CDK7: variants seen among roughly 807,000 people sequenced by gnomAD.
CDK7 encodes the protein cyclin dependent kinase 7.
In CDK7, 25 loss-of-function variants were observed where a neutral mutation model predicts 49.1. The ratio of observed to expected loss-of-function variants is 0.51; its 90% CI spans 0.37 to 0.71. CDK7 has a LOEUF of 0.71. Among genes scored for constraint, CDK7 ranks in the 30% least tolerant of loss-of-function variants. The probability of loss-of-function intolerance (pLI) is 0.00; values close to 1 mark genes in which losing one functional copy is unlikely to be tolerated. For missense variants in CDK7, 316 were observed against 411.7 expected (o/e 0.77, Z 2.01); for synonymous variants, 107 against 140.0 (o/e 0.76, Z 1.67).
chr5:69,252,546 G>C (rs1415831060), intron 3 of CDK7, 95 bp downstream of exon 3: 1 of 686,774 alleles, frequency 1.5e-6, no homozygotes, highest in Admixed American at 3.6e-5. Flanking sequence ...GTCTTGCTCT[G>C]TCACCCAGGC....
intron 2 of CDK7, among the ~76,000 whole-genome samples, chr5:69,251,854 C>T (rs1750167959): frequency 1.3e-5 from 2 of 152,196 alleles, no homozygotes; most frequent in South Asian, 4.1e-4. Context: ...TGATTACTGA[C>T]AGTTTTCTAA....
chr5:69,246,708 G>GTT (rs746391556), intron 2 of CDK7, among the ~76,000 whole-genome samples: 25 of 141,414 alleles, frequency 1.8e-4, no homozygotes, highest in African/African-American at 6.4e-4. Context: ...TTTGTTTTTG[G>GTT]TTTTTTTTTT....
chr5:69,256,359 GT>G (rs1267353654), intron 5 of CDK7, among the ~76,000 whole-genome samples: 1 of 151,950 alleles, frequency 6.6e-6, no homozygotes, highest in Non-Finnish European at 1.5e-5. Flanking sequence ...TTTTGTTTTT[GT>G]TTTGTTTTTT....
At chr5:69,243,977 C>T (rs569364934) in intron 2 of CDK7, among the ~76,000 whole-genome samples, 1 of 151,900 alleles carries the variant, frequency 6.6e-6, no homozygotes, top group Non-Finnish European at 1.5e-5. Context: ...GGATTACAGG[C>T]GCATACCACC....
intron 6 of CDK7, 28 bp downstream of exon 6, chr5:69,258,181 A>G (rs1217444103): frequency 1.9e-6 from 2 of 1,073,498 alleles, no homozygotes; most frequent in African/African-American, 1.6e-5. Context: ...GCTTCTTTAT[A>G]CTAGTCAAGT....
At chr5:69,259,435 ATG>A (rs1750682034) in intron 6 of CDK7, among the ~76,000 whole-genome samples, 1 of 152,132 alleles carries the variant, frequency 6.6e-6, no homozygotes, top group African/African-American at 2.4e-5. Flanking sequence ...ATTTTGAAGA[ATG>A]TCATCCTCAT....
intron 10 of CDK7, among the ~76,000 whole-genome samples, chr5:69,276,245 T>G (rs1379491363): frequency 6.6e-6 from 1 of 152,104 alleles, no homozygotes; most frequent in Admixed American, 6.6e-5. Context: ...GCCAAGCTGA[T>G]CTCGAACTTC....
At chr5:69,269,150 AAAAAAATT>A in intron 8 of CDK7, 49 bp from the exon 9 acceptor site, 1 of 1,142,834 alleles carries the variant, frequency 8.8e-7, no homozygotes, top group Non-Finnish European at 1.3e-6. Flanking sequence ...CTAAAAAAAG[AAAAAAATT>A]AAAAAAAAAA....
At position 69,245,606 on chromosome 5, in the gene CDK7, G is replaced by T. The variant is rs1313000018; in HGVS notation, c.127-6812G>T. ...TCGGCCTGCCTCAGCCTCCTAAAGT[G>T]CTGGGATAGCCACTGTGCCCAGCCT... On this transcript the variant is annotated intron_variant, in intron 2 of 11. Transcript: ENST00000256443. Among the ~76,000 whole-genome samples the T allele has an allele frequency of 1.3e-5, 2 of 152,114 alleles. 1 individual carries two copies. The highest frequency in any genetic ancestry group is 4.1e-4 in the South Asian group (2 of 4,836).
intron 6 of CDK7, 99 bp from the exon 7 acceptor site, chr5:69,259,719 C>T: frequency 1.4e-6 from 1 of 725,302 alleles, no homozygotes; most frequent in Non-Finnish European, 2.3e-6. Context: ...CAGGTGTTAC[C>T]TTGTTTTTGC....
intron 2 of CDK7, among the ~76,000 whole-genome samples, chr5:69,236,672 A>T (rs1343326618): frequency 1.3e-5 from 2 of 150,014 alleles, no homozygotes; most frequent in African/African-American, 4.9e-5. Flanking sequence ...ATTTTTTTTG[A>T]GACAGAATTT....
At chr5:69,235,216 AG>A in intron 1 of CDK7, 175 bp downstream of exon 1, 1 of 754,926 alleles carries the variant, frequency 1.3e-6, no homozygotes, top group Non-Finnish European at 2.3e-6. Flanking sequence ...TGAATCCCTG[AG>A]GGGCCTCTCC....
At chr5:69,241,209 A>G (rs1440922385) in intron 2 of CDK7, among the ~76,000 whole-genome samples, 1 of 151,658 alleles carries the variant, frequency 6.6e-6, no homozygotes, top group Non-Finnish European at 1.5e-5. Context: ...CCAACAATGT[A>G]CCTAGGGTTC....
In CDK7 at chr5:69,277,345, A is replaced by G. The variant is rs1195685950; in HGVS notation, c.*210A>G. ...TTCTGATTAGAGTGCAAAAGTGAGA[A>G]AAGTTCAATACTCTTGAAATGTAGA... On this transcript the variant is annotated 3_prime_UTR_variant, in exon 12 of 12. Coordinates refer to ENST00000256443, the MANE Select transcript of CDK7 (RefSeq NM_001799.4). 2.4e-6 allele frequency: 1 copy of G among 420,120 alleles called. No homozygotes were observed. Among genetic ancestry groups the G allele is most frequent in the Non-Finnish European group, 4.3e-6 (1 of 233,202 alleles). 26.0% of individuals were successfully genotyped at this position (420,120 alleles called of 1,614,324 possible). A position where few individuals can be genotyped will look rare whatever the true frequency, so the allele number is the denominator to read the frequency against.
chr5:69,258,021 A>G, intron 5 of CDK7, 22 bp from the exon 6 acceptor site: 1 of 1,106,706 alleles, frequency 9.0e-7, no homozygotes, highest in Non-Finnish European at 1.4e-6. Flanking sequence ...GGGTACCTGT[A>G]TATTGTATAC....
chr5:69,249,954 G>A (rs775635690), intron 2 of CDK7, among the ~76,000 whole-genome samples: 12 of 152,236 alleles, frequency 7.9e-5, no homozygotes, highest in Non-Finnish European at 1.6e-4. Flanking sequence ...GAATTTACCT[G>A]ATAGGATTCT....
intron 5 of CDK7, among the ~76,000 whole-genome samples, chr5:69,256,631 A>G (rs1428605079): frequency 6.6e-6 from 1 of 152,142 alleles, no homozygotes; most frequent in Non-Finnish European, 1.5e-5. Context: ...GTGAGCCACC[A>G]TGCCCGGCCT....
intron 2 of CDK7, among the ~76,000 whole-genome samples, chr5:69,243,834 T>TTG (rs1561347832): frequency 1.5e-5 from 2 of 132,012 alleles, no homozygotes; most frequent in Admixed American, 7.5e-5. Context: ...TTGTTTTTTT[T>TTG]TTTTTTTTTT....
chr5:69,240,355 CATT>C (rs1217143288), intron 2 of CDK7, among the ~76,000 whole-genome samples: 2 of 152,188 alleles, frequency 1.3e-5, no homozygotes, highest in South Asian at 2.1e-4. Flanking sequence ...GCTACTGTGG[CATT>C]ATTGTTAATT....
Sources: gnomAD v4.1 joint callset for allele counts (sites outside exome capture counted in the v4.1 genomes callset) on GRCh38, gnomAD v4.1.1 for gene constraint, MANE v1.5 for transcripts, NCBI Gene and HGNC (gene_info 2026-07-23, HGNC 2026-07-21) for gene names.